PDS5B: variants seen among roughly 807,000 people sequenced by gnomAD.
The protein encoded by PDS5B is sister chromatid cohesion protein PDS5 homolog B.
In PDS5B, 51 loss-of-function variants were observed where a neutral mutation model predicts 184.1. That is an observed-to-expected ratio of 0.28 (90% CI 0.22 to 0.35). The LOEUF (loss-of-function observed/expected upper bound fraction) is 0.35, where lower values mean the gene tolerates loss of function less well. PDS5B is among the 10% of genes least tolerant of loss of function. PDS5B has a pLI of 1.00. For synonymous variants in PDS5B, 566 were observed against 569.2 expected, an observed-to-expected ratio of 0.99 and a Z score of 0.08; for missense variants, 1,180 against 1,723.3, an observed-to-expected ratio of 0.68 and a Z score of 5.58.
intron 18 of PDS5B, 45 bp downstream of exon 18, chr13:32,707,084 A>G (rs1224961049): frequency 1.0e-6 from 1 of 1,002,260 alleles, no homozygotes; most frequent in Middle Eastern, 2.1e-4. Flanking sequence ...ATATCTGTTT[A>G]ACATATACAG....
intron 19 of PDS5B, among the ~76,000 whole-genome samples, chr13:32,723,169 T>C (rs1288174702): frequency 6.6e-6 from 1 of 152,220 alleles, no homozygotes; most frequent in Non-Finnish European, 1.5e-5. Flanking sequence ...TGCTTAGCAA[T>C]ATTTGACAAA....
At chr13:32,658,607 C>T in intron 5 of PDS5B, 76 bp downstream of exon 5, 2 of 683,530 alleles carry the variant, frequency 2.9e-6, no homozygotes, top group East Asian at 2.8e-5. Context: ...TCTGCATAAA[C>T]TGTTACAATG....
chr13:32,653,750 A>T (rs1264737263), intron 3 of PDS5B, among the ~76,000 whole-genome samples: 2 of 152,148 alleles, frequency 1.3e-5, no homozygotes, highest in Non-Finnish European at 2.9e-5. Flanking sequence ...TCTAAATGTG[A>T]ATTTCTCATT....
At chr13:32,682,939 CAAAATTTTGTT>C (rs984426207) in intron 10 of PDS5B, among the ~76,000 whole-genome samples, 1 of 152,120 alleles carries the variant, frequency 6.6e-6, no homozygotes, top group Non-Finnish European at 1.5e-5. Context: ...GTCCATCTGC[CAAAATTTTGTT>C]GACACATCTC....
intron 1 of PDS5B, among the ~76,000 whole-genome samples, chr13:32,647,766 C>T (rs1950265147): frequency 6.6e-6 from 1 of 151,952 alleles, no homozygotes; most frequent in African/African-American, 2.4e-5. Flanking sequence ...AGTAGTTTTA[C>T]AGTCTTTGAT....
intron 13 of PDS5B, chr13:32,690,119 A>G (rs1014172461): frequency 6.6e-6 from 1 of 152,188 alleles, no homozygotes; most frequent in South Asian, 2.1e-4. Context: ...ATAATAAAGG[A>G]CTGTAAAAAC....
At chr13:32,726,772 G>T (rs1209949044) in intron 19 of PDS5B, among the ~76,000 whole-genome samples, 1 of 152,064 alleles carries the variant, frequency 6.6e-6, no homozygotes, top group Non-Finnish European at 1.5e-5. Flanking sequence ...TTTCTTGGCT[G>T]GCCATGGTGG....
chr13:32,638,994 G>A (rs965836140), intron 1 of PDS5B, among the ~76,000 whole-genome samples: 1 of 152,084 alleles, frequency 6.6e-6, no homozygotes. Context: ...ACAAGAATGT[G>A]TGTTGGAGAT....
At chr13:32,687,359 A>C (rs1054397315) in intron 12 of PDS5B, 74 bp downstream of exon 12, 2 of 1,153,262 alleles carry the variant, frequency 1.7e-6, no homozygotes, top group East Asian at 5.2e-5. Flanking sequence ...TATGCAAACT[A>C]TTTTCTTTAT....
Position 32,775,081 on chromosome 13 carries a change from A to G in PDS5B, c.*29A>G. 3 of 1,265,040 alleles carry G rather than the reference A, an allele frequency of 2.4e-6. No homozygotes were observed. 78.4% of individuals were successfully genotyped at this position (1,265,040 alleles called of 1,614,324 possible). A position where few individuals can be genotyped will look rare whatever the true frequency, so the allele number is the denominator to read the frequency against. On this transcript the variant is annotated 3_prime_UTR_variant, in exon 35 of 35. Coordinates refer to ENST00000315596, the MANE Select transcript of PDS5B (RefSeq NM_015032.4). ...AATGTAATTAATAACTTTCTCTGTG[A>G]AAGCTTTGGAAAAATCTTTTTTTTT...
chr13:32,635,172 T>G (rs1307670808), intron 1 of PDS5B, among the ~76,000 whole-genome samples: 11 of 2,224 alleles, frequency 4.9e-3, no homozygotes, highest in African/African-American at 0.018. Flanking sequence ...CCAATTACGT[T>G]TTTTTTTTTT....
chr13:32,613,491 G>T (rs115804012), intron 1 of PDS5B, among the ~76,000 whole-genome samples: 311 of 152,308 alleles, frequency 2.0e-3, no homozygotes, highest in African/African-American at 7.3e-3. Flanking sequence ...GATGATTAAT[G>T]ATGCTGAGCA....
At chr13:32,589,152 C>T (rs1311070008) in intron 1 of PDS5B, among the ~76,000 whole-genome samples, 1 of 152,174 alleles carries the variant, frequency 6.6e-6, no homozygotes. Context: ...CTCCAACTCA[C>T]TTATACATGA....
chr13:32,739,746 G>T (rs1046261414), intron 21 of PDS5B, among the ~76,000 whole-genome samples: 1 of 151,026 alleles, frequency 6.6e-6, no homozygotes, highest in Non-Finnish European at 1.5e-5. Context: ...TTGTGTAAAT[G>T]TTCATGAATT....
At chr13:32,759,832 A>G (rs1954312407) in intron 29 of PDS5B, 142 bp downstream of exon 29, 2 of 517,330 alleles carry the variant, frequency 3.9e-6, no homozygotes, top group South Asian at 3.4e-5. Context: ...TACATTTACT[A>G]GTAAGAAATA....
At chr13:32,617,562 A>G (rs1370780323) in intron 1 of PDS5B, among the ~76,000 whole-genome samples, 3 of 152,208 alleles carry the variant, frequency 2.0e-5, no homozygotes, top group East Asian at 3.8e-4. Flanking sequence ...TTTGATTCAG[A>G]GGAGGCTGGT....
chr13:32,594,365 A>G (rs1036524667), intron 1 of PDS5B, among the ~76,000 whole-genome samples: 5 of 152,218 alleles, frequency 3.3e-5, no homozygotes, highest in Non-Finnish European at 5.9e-5. Context: ...ATACTGTGCA[A>G]GGATGTGGTG....
chr13:32,678,615 A>G (rs892097938), intron 9 of PDS5B, among the ~76,000 whole-genome samples: 1 of 152,210 alleles, frequency 6.6e-6, no homozygotes, highest in East Asian at 1.9e-4. Context: ...CCTTAAAATC[A>G]CATAGTTCTC....
At chr13:32,610,612 C>G (rs1448969246) in intron 1 of PDS5B, among the ~76,000 whole-genome samples, 1 of 129,108 alleles carries the variant, frequency 7.7e-6, no homozygotes, top group East Asian at 2.0e-4. Flanking sequence ...AACATTTGAA[C>G]CAAATTTTTT....
Sources: allele counts gnomAD v4.1 joint callset (sites outside exome capture counted in the v4.1 genomes callset), GRCh38; gene constraint gnomAD v4.1.1; transcripts MANE v1.5; gene names NCBI Gene and HGNC (gene_info 2026-07-23, HGNC 2026-07-21).